NWD2: variants seen among roughly 807,000 people sequenced by gnomAD.
The protein encoded by NWD2 is NACHT and WD repeat domain containing 2.
NWD2 carries 37 observed loss-of-function variants against 132.7 expected under a neutral mutation model. That is an observed-to-expected ratio of 0.28 (90% CI 0.21 to 0.37). The LOEUF is 0.37. Ranked by LOEUF, NWD2 falls within the 10% of genes least tolerant of loss-of-function variation. The pLI is 1.00. For missense variants in NWD2, 1,592 were observed against 2,122.4 expected (o/e 0.75, Z 4.91); for synonymous variants, 705 against 803.0 (o/e 0.88, Z 2.06).
At chr4:37,297,101 G>A (rs746069078) in intron 1 of NWD2, among the ~76,000 whole-genome samples, 11 of 152,104 alleles carry the variant, frequency 7.2e-5, no homozygotes, top group Non-Finnish European at 8.8e-5. Context: ...CTGTGTGTGT[G>A]TATATCACAC....
At chr4:37,329,268 A>G (rs1201747396) in intron 2 of NWD2, among the ~76,000 whole-genome samples, 1 of 152,176 alleles carries the variant, frequency 6.6e-6, no homozygotes, top group East Asian at 1.9e-4. Context: ...GAGCAAACCA[A>G]CCAGACCCTC....
At chr4:37,351,298 C>A (rs1259082166) in intron 2 of NWD2, among the ~76,000 whole-genome samples, 2 of 152,246 alleles carry the variant, frequency 1.3e-5, no homozygotes, top group African/African-American at 4.8e-5. Context: ...AGCTGTGAAT[C>A]CATCTGGTCC....
chr4:37,296,992 T>G (rs1490122051), intron 1 of NWD2, among the ~76,000 whole-genome samples: 1 of 152,106 alleles, frequency 6.6e-6, no homozygotes, highest in African/African-American at 2.4e-5. Context: ...CAACTATAAT[T>G]TGGGATTCAC....
intron 3 of NWD2, among the ~76,000 whole-genome samples, chr4:37,376,008 T>C (rs1560407677): frequency 6.6e-6 from 1 of 152,236 alleles, no homozygotes; most frequent in African/African-American, 2.4e-5. Context: ...AGCAAATGAA[T>C]GAACTGTTAT....
intron 3 of NWD2, among the ~76,000 whole-genome samples, chr4:37,372,548 A>G (rs1720249973): frequency 1.3e-5 from 2 of 152,236 alleles, no homozygotes; most frequent in African/African-American, 4.8e-5. Context: ...GTTCATGTCA[A>G]ACTACAAGTT....
At chr4:37,368,939 C>T (rs1482600237) in intron 3 of NWD2, among the ~76,000 whole-genome samples, 1 of 152,114 alleles carries the variant, frequency 6.6e-6, no homozygotes, top group East Asian at 1.9e-4. Flanking sequence ...TGTCATGATC[C>T]AGATGAAAGA....
intron 2 of NWD2, among the ~76,000 whole-genome samples, chr4:37,350,972 G>C (rs1181313537): frequency 6.6e-6 from 1 of 151,694 alleles, no homozygotes; most frequent in Non-Finnish European, 1.5e-5. Flanking sequence ...TTCTGTTTAT[G>C]TGATAGATTA....
Position 37,245,222 on chromosome 4 carries a change from C to G in NWD2, c.151+4C>G. ...TTCATCAGCGCCAACCCTGAAGGTA[C>G]GTCCCTCGCTCGGGTTTGCCCGTCC... On this transcript the variant is annotated splice_donor_region_variant and intron_variant, in intron 1 of 6. Transcript: ENST00000309447. 6.5e-7 allele frequency: 1 copy of G among 1,534,008 alleles called. No individual in the cohort carries two copies. The highest frequency in any genetic ancestry group is 8.7e-7 in the Non-Finnish European group (1 of 1,142,942).
chr4:37,319,083 T>G (rs1165361787), intron 1 of NWD2, among the ~76,000 whole-genome samples: 3 of 152,230 alleles, frequency 2.0e-5, no homozygotes, highest in African/African-American at 7.2e-5. Flanking sequence ...TAAACTAATT[T>G]ACATTTGCAC....
At chr4:37,279,682 T>C (rs1477251611) in intron 1 of NWD2, among the ~76,000 whole-genome samples, 3 of 152,320 alleles carry the variant, frequency 2.0e-5, no homozygotes, top group Admixed American at 6.5e-5. Context: ...GAAAAAGATA[T>C]CACTTTACAT....
chr4:37,273,192 A>T (rs1265649687), intron 1 of NWD2, among the ~76,000 whole-genome samples: 1 of 151,730 alleles, frequency 6.6e-6, no homozygotes, highest in Non-Finnish European at 1.5e-5. Context: ...AGATTTTTTT[A>T]TTGCCCTCTG....
chr4:37,279,737 A>G (rs920294226), intron 1 of NWD2, among the ~76,000 whole-genome samples: 1 of 152,218 alleles, frequency 6.6e-6, no homozygotes, highest in Non-Finnish European at 1.5e-5. Flanking sequence ...CATTAACTCT[A>G]GAATATAATC....
chr4:37,402,272 A>T (rs1218879567), intron 3 of NWD2, among the ~76,000 whole-genome samples: 3 of 152,244 alleles, frequency 2.0e-5, no homozygotes, highest in Admixed American at 1.3e-4. Flanking sequence ...AGTCTCAGAT[A>T]TTCTTTTATA....
At chr4:37,337,406 A>G (rs1197432322) in intron 2 of NWD2, among the ~76,000 whole-genome samples, 1 of 152,130 alleles carries the variant, frequency 6.6e-6, no homozygotes, top group Non-Finnish European at 1.5e-5. Flanking sequence ...CCTTCCCTCT[A>G]AGAGGCAAGT....
Position 37,445,996 on chromosome 4 carries a change from A to G in NWD2, c.4008A>G (p.Gly1336=), listed in dbSNP as rs1287151714. 36 of 1,551,600 alleles carry G rather than the reference A, an allele frequency of 2.3e-5. No homozygotes were observed. Among genetic ancestry groups the G allele is most frequent in the Non-Finnish European group, 3.1e-5 (36 of 1,146,990 alleles). The change falls in exon 7 of 7, where the codon GGA becomes GGG. Residue 1336 remains glycine (G), a synonymous_variant. Coordinates refer to ENST00000309447, the MANE Select transcript of NWD2 (RefSeq NM_001144990.2). The surrounding 1 kb of genome is among the most constrained non-coding windows in gnomAD (Gnocchi z 4.7). Reference sequence around the variant, plus strand: ...GGGAAATCATTTACTCCCTGGATGGATCCGATTGTGTTCATAAGTGGAACT... The same window carrying G: ...GGGAAATCATTTACTCCCTGGATGGGTCCGATTGTGTTCATAAGTGGAACT... ...ARGEIIYSLD[G]SDCVHKWNFS...
chr4:37,346,712 A>G (rs909156733), intron 2 of NWD2, among the ~76,000 whole-genome samples: 2 of 152,094 alleles, frequency 1.3e-5, no homozygotes, highest in African/African-American at 4.8e-5. Context: ...TAGTTTTCAA[A>G]GTATAAATCT....
At chr4:37,257,343 A>G (rs1295029194) in intron 1 of NWD2, among the ~76,000 whole-genome samples, 1 of 152,254 alleles carries the variant, frequency 6.6e-6, no homozygotes, top group East Asian at 1.9e-4. Context: ...AACAAACATT[A>G]TAATGTGTCC....
At chr4:37,432,860 A>T (rs1712217677) in intron 4 of NWD2, among the ~76,000 whole-genome samples, 1 of 152,172 alleles carries the variant, frequency 6.6e-6, no homozygotes. Context: ...GGAAGAGGGG[A>T]AAGGTGGACC....
At chr4:37,324,927 G>A (rs769855487) in intron 1 of NWD2, among the ~76,000 whole-genome samples, 4 of 152,140 alleles carry the variant, frequency 2.6e-5, no homozygotes, top group African/African-American at 4.8e-5. Flanking sequence ...CTTTTAAACG[G>A]TTATCTTTGT....
Sources: gnomAD v4.1 joint callset for allele counts (sites outside exome capture counted in the v4.1 genomes callset) on GRCh38, gnomAD v4.1.1 for gene constraint, Gnocchi (gnomAD v3.1) non-coding constraint, MANE v1.5 for transcripts, NCBI Gene and HGNC (gene_info 2026-07-23, HGNC 2026-07-21) for gene names.